Variants in APLN observed in about 807,000 individuals in gnomAD.
APLN encodes the protein AGTRL1 ligand.
APLN carries 2 observed loss-of-function variants against 4.3 expected under a neutral mutation model. That is an observed-to-expected ratio of 0.46 (90% CI 0.19 to 1.45). The LOEUF is 1.45. Ranked by LOEUF, APLN falls within the 40% of genes most tolerant of loss-of-function variation. The probability of loss-of-function intolerance (pLI) is 0.25; values close to 1 mark genes in which losing one functional copy is unlikely to be tolerated. For missense variants in APLN, 80 were observed against 70.0 expected, an observed-to-expected ratio of 1.14 and a Z score of -0.51; for synonymous variants, 34 against 30.4, an observed-to-expected ratio of 1.12 and a Z score of -0.38.
At chrX:129,649,708 T>C (rs1936966900) in intron 1 of APLN, among the ~76,000 whole-genome samples, 1 of 111,551 alleles carries the variant, frequency 9.0e-6, no homozygotes, top group Non-Finnish European at 1.9e-5. Context: ...CTGCATCCTG[T>C]GTCTCATGTA....
rs1936950217 is a variant in APLN at position 129,647,743 on chromosome X, C to T, written c.*180G>A. On this transcript the variant is annotated 3_prime_UTR_variant, in exon 3 of 3. Coordinates refer to ENST00000429967, the MANE Select transcript of APLN (RefSeq NM_017413.5). Reference sequence around the variant, plus strand: ...TGTGAGAGAACGGGAATCATCCAAACTACAGCCAGGAGCACGCCACTGGGG... The same window carrying T: ...TGTGAGAGAACGGGAATCATCCAAATTACAGCCAGGAGCACGCCACTGGGG... 4.1e-6 allele frequency: 4 copies of T among 980,912 alleles called. No homozygotes were observed. Among genetic ancestry groups the T allele is most frequent in the Non-Finnish European group, 4.0e-6 (3 of 755,766 alleles). The allele number at this position is 980,912 out of a possible 1,213,427, so 80.8% of individuals were successfully genotyped here.
rs1251468084 is a variant in APLN, at chrX:129,646,264, T to C, written c.*1659A>G. On this transcript the variant is annotated 3_prime_UTR_variant, in exon 3 of 3. Transcript: ENST00000429967. ...GGTAAAGGGGCTTGGGGGAGGTGGATAGGCAAACATTGGGGCTATTGTGGG... is the reference window on the plus strand; with the variant it reads ...GGTAAAGGGGCTTGGGGGAGGTGGACAGGCAAACATTGGGGCTATTGTGGG... 1 of 115,999 alleles carries C rather than the reference T, an allele frequency of 8.6e-6. No individual in the cohort carries two copies. The highest frequency in any genetic ancestry group is 1.8e-5 in the Non-Finnish European group (1 of 54,697). 9.6% of individuals were successfully genotyped at this position (115,999 alleles called of 1,213,427 possible). A position where few individuals can be genotyped will look rare whatever the true frequency, so the allele number is the denominator to read the frequency against.
rs1026370250 is a variant in APLN at position 129,645,780 on chromosome X, A to T, written c.*2143T>A. The T allele has an allele frequency of 2.7e-5, 3 of 112,770 alleles. No individual in the cohort carries two copies. Among genetic ancestry groups the T allele is most frequent in the Admixed American group, 9.4e-5 (1 of 10,678 alleles). 9.3% of individuals were successfully genotyped at this position (112,770 alleles called of 1,213,427 possible). A position where few individuals can be genotyped will look rare whatever the true frequency, so the allele number is the denominator to read the frequency against. On this transcript the variant is annotated 3_prime_UTR_variant, in exon 3 of 3. Coordinates refer to ENST00000429967, the MANE Select transcript of APLN (RefSeq NM_017413.5). The stretch of plus-strand genomic sequence containing the variant: ...CAGGGGAAAGGAATGCCCCTCCTGA[A>T]CATGACCTCCAAGAGTAAGGGCGAA...
intron 1 of APLN, among the ~76,000 whole-genome samples, chrX:129,650,484 A>G (rs1178082970): frequency 9.0e-6 from 1 of 110,736 alleles, no homozygotes; most frequent in Non-Finnish European, 1.9e-5. Flanking sequence ...ACATAAACAC[A>G]TATTCTCCAA....
At position 129,648,768 on chromosome X, in the gene APLN, C is replaced by T. The variant is rs1240069424; in HGVS notation, c.92G>A (p.Gly31Glu). 2 of 1,170,868 alleles carry T rather than the reference C, an allele frequency of 1.7e-6. No individual in the cohort carries two copies. The highest frequency in any genetic ancestry group is 3.5e-5 in the African/African-American group (2 of 56,370). Residue 31 changes from glycine to glutamate, a missense_variant, in exon 2 of 3, where the codon GGG becomes GAG. Physicochemically the swap from Gly to Glu is moderately conservative, Grantham distance 98 (BLOSUM62 -2). Coordinates refer to ENST00000429967, the MANE Select transcript of APLN (RefSeq NM_017413.5). ...GACATTGCCGTCTTCCAGCCCATTCCCATCGGGAAGCGGCATCAGGGACCC... is the reference window on the plus strand; with the variant it reads ...GACATTGCCGTCTTCCAGCCCATTCTCATCGGGAAGCGGCATCAGGGACCC... ...CGGSLMPLPD[G>E]NGLEDGNVRH...
chrX:129,648,348 C>G (rs1372336667), intron 2 of APLN, among the ~76,000 whole-genome samples: 1 of 112,466 alleles, frequency 8.9e-6, no homozygotes, highest in Non-Finnish European at 1.9e-5. Flanking sequence ...CTAAGCAGGC[C>G]AGCCTCCCCA....
chrX:129,645,377 C>T lies in APLN; in HGVS notation c.*2546G>A, dbSNP rs749027704. ...TATCAAATGTATTTATTGCTGAAAA[C>T]ATAACATTTTTCAAGAAAGGCAAAC... On this transcript the variant is annotated 3_prime_UTR_variant, in exon 3 of 3. Transcript: ENST00000429967. The T allele has an allele frequency of 8.9e-6, 1 of 112,338 alleles. No homozygotes were observed. The highest frequency in any genetic ancestry group is 9.4e-5 in the Admixed American group (1 of 10,626). 9.3% of individuals were successfully genotyped at this position (112,338 alleles called of 1,213,427 possible).
At position 129,653,122 on chromosome X, in the gene APLN, A is replaced by C. The variant is rs766705698; in HGVS notation, c.67+1442T>G. ...GAGTTTCTGTGGAAAAAGCCTACCCACTTCTTACTGTGGTGGTGGCTCACT... is the reference window on the plus strand; with the variant it reads ...GAGTTTCTGTGGAAAAAGCCTACCCCCTTCTTACTGTGGTGGTGGCTCACT... On this transcript the variant is annotated intron_variant, in intron 1 of 2. Transcript: ENST00000429967. Among the ~76,000 whole-genome samples, 4 of 112,342 alleles carry C rather than the reference A, an allele frequency of 3.6e-5. No individual in the cohort carries two copies. In the East Asian group the frequency reaches 1.1e-3, roughly 31 times the overall value.
At position 129,654,887 on chromosome X, in the gene APLN, C is replaced by T. The variant is rs911346115; in HGVS notation, c.-257G>A. The T allele has an allele frequency of 1.8e-5, 3 of 169,596 alleles. No homozygotes were observed. 14.0% of individuals were successfully genotyped at this position (169,596 alleles called of 1,213,427 possible). A position where few individuals can be genotyped will look rare whatever the true frequency, so the allele number is the denominator to read the frequency against. ...GCTCCGGGAGCGGCAGCGGCGAGCT[C>T]TTTCTTAGCGGCTGGCTGCTCGGCC... is the stretch of plus-strand genomic sequence containing the variant. On this transcript the variant is annotated 5_prime_UTR_variant, in exon 1 of 3. Transcript: ENST00000429967.
chrX:129,649,492 T>A (rs749034415), intron 1 of APLN, among the ~76,000 whole-genome samples: 1 of 111,589 alleles, frequency 9.0e-6, no homozygotes, highest in East Asian at 2.8e-4. Flanking sequence ...GAGAGGTCTC[T>A]GACTCAGCCT....
rs1281546336 is a variant in APLN, at chrX:129,648,505, C to T, written c.*5+116G>A. On this transcript the variant is annotated intron_variant, in intron 2 of 2. Transcript: ENST00000429967. Reference sequence around the variant, plus strand: ...CAGCTCTAAGCCTCTGTGAGTGTGGCGCCAGGACTGTTTGATGGATGTGTC... The same window carrying T: ...CAGCTCTAAGCCTCTGTGAGTGTGGTGCCAGGACTGTTTGATGGATGTGTC... 19 of 896,768 alleles carry T rather than the reference C, an allele frequency of 2.1e-5. No homozygotes were observed. In the Admixed American group the frequency reaches 6.2e-4, roughly 29 times the overall value. 73.9% of individuals were successfully genotyped at this position (896,768 alleles called of 1,213,427 possible).
chrX:129,648,119 G>A (rs1936952997), intron 2 of APLN, among the ~76,000 whole-genome samples: 1 of 111,458 alleles, frequency 9.0e-6, no homozygotes, highest in Admixed American at 9.4e-5. Context: ...GAAGGGGCAG[G>A]CTTCAGCTCT....
At position 129,646,199 on chromosome X, in the gene APLN, AAGCAGC is replaced by A. The variant is rs70961724; in HGVS notation, c.*1718_*1723del. 2 of 122,290 alleles carry A rather than the reference AAGCAGC, an allele frequency of 1.6e-5. No homozygotes were observed. Among genetic ancestry groups the A allele is most frequent in the Non-Finnish European group, 3.4e-5 (2 of 59,398 alleles). The allele number at this position is 122,290 out of a possible 1,213,427, so 10.1% of individuals were successfully genotyped here. On this transcript the variant is annotated 3_prime_UTR_variant, in exon 3 of 3. Coordinates refer to ENST00000429967, the MANE Select transcript of APLN (RefSeq NM_017413.5). ...GTCCCCACTCCAAGCATGAGCCTTT[AAGCAGC>A]AGCAGCAGCAGCAGCAGCGTTAGCA... is the stretch of plus-strand genomic sequence containing the variant.
intron 1 of APLN, among the ~76,000 whole-genome samples, chrX:129,649,261 A>G (rs1936962991): frequency 8.9e-6 from 1 of 112,396 alleles, no homozygotes. Context: ...GGAGTCACAT[A>G]TGCTTTAGTT....
Position 129,647,498 on chromosome X carries a change from C to T in APLN, c.*425G>A, listed in dbSNP as rs750019645. On this transcript the variant is annotated 3_prime_UTR_variant, in exon 3 of 3. Transcript: ENST00000429967. ...GAGGCCAGGTGAGGGGTCCAACTGACAGGAAAACAAGGGATCTGCTGGAGC... is the reference window on the plus strand; with the variant it reads ...GAGGCCAGGTGAGGGGTCCAACTGATAGGAAAACAAGGGATCTGCTGGAGC... The T allele has an allele frequency of 1.6e-5, 10 of 631,064 alleles. No homozygotes were observed. Among genetic ancestry groups the T allele is most frequent in the Non-Finnish European group, 2.1e-5 (10 of 469,137 alleles). The allele number at this position is 631,064 out of a possible 1,213,427, so 52.0% of individuals were successfully genotyped here. A position where few individuals can be genotyped will look rare whatever the true frequency, so the allele number is the denominator to read the frequency against.
intron 1 of APLN, among the ~76,000 whole-genome samples, chrX:129,652,593 C>T (rs987643933): frequency 3.6e-5 from 4 of 112,369 alleles, no homozygotes; most frequent in Non-Finnish European, 5.6e-5. Context: ...TCAGTGAGAG[C>T]CCTGAAAGTT....
Position 129,648,731 on chromosome X carries a change from C to T in APLN, c.129G>A (p.Val43=). The change falls in exon 2 of 3, where the codon GTG becomes GTA. Residue 43 remains valine, a synonymous_variant. Coordinates refer to ENST00000429967, the MANE Select transcript of APLN (RefSeq NM_017413.5). ...GLEDGNVRHL[V]QPRGSRNGPG... ...GCCCATTCCTTGACCCTCTGGGCTG[C>T]ACCAGGTGGCGGACATTGCCGTCTT... 1 of 1,177,135 alleles carries T rather than the reference C, an allele frequency of 8.5e-7. No individual in the cohort carries two copies. The highest frequency in any genetic ancestry group is 1.9e-5 in the South Asian group (1 of 53,054).
intron 2 of APLN, 75 bp downstream of exon 2, chrX:129,648,546 G>T: frequency 9.1e-7 from 1 of 1,097,934 alleles, no homozygotes; most frequent in Non-Finnish European, 1.2e-6. Flanking sequence ...AGTGATGAGC[G>T]GCAGGATCAC....
At position 129,654,603 on chromosome X, in the gene APLN, G is replaced by A; in HGVS notation, c.28C>T (p.Leu10Phe). 3.5e-6 allele frequency: 4 copies of A among 1,153,473 alleles called. No homozygotes were observed. Among genetic ancestry groups the A allele is most frequent in the Non-Finnish European group, 4.6e-6 (4 of 868,798 alleles). ...GTCAAGGAGAGCCAGAGCAGCAGGA[G>A]CGCCTGCACGCAGAGCCGCAGATTC... Reference protein sequence around the residue: MNLRLCVQALLLLWLSLTAV... With the variant: MNLRLCVQAFLLLWLSLTAV... Residue 10 changes from leucine to phenylalanine, a missense_variant, in exon 1 of 3, where the codon CTC becomes TTC. Transcript: ENST00000429967.
Sources: allele counts gnomAD v4.1 joint callset (sites outside exome capture counted in the v4.1 genomes callset), GRCh38; gene constraint gnomAD v4.1.1; transcripts MANE v1.5; gene names NCBI Gene and HGNC (gene_info 2026-07-23, HGNC 2026-07-21).